The following LRCH3 variants were observed in gnomAD, a reference collection of about 807,000 sequenced individuals.
LRCH3 encodes the protein DISP complex protein LRCH3.
A neutral mutation model predicts 104.5 loss-of-function variants in LRCH3; 68 were observed. The ratio of observed to expected loss-of-function variants is 0.65; its 90% CI spans 0.54 to 0.80. LRCH3 has a LOEUF of 0.80. Among genes scored for constraint, LRCH3 ranks in the 30% least tolerant of loss-of-function variants. The pLI, the probability that LRCH3 is intolerant of heterozygous loss-of-function variation, is 0.00. For missense variants in LRCH3, 951 were observed against 953.9 expected (o/e 1.00, Z 0.04); for synonymous variants, 344 against 361.3 (o/e 0.95, Z 0.54).
In LRCH3 at chr3:197,820,439, C is replaced by G. The variant is rs369233786; in HGVS notation, c.640+9C>G. ...AGTACATTTGCCTGAAGGTAAGAAA[C>G]TATGAAATAAGAAACCATGAAATAA... On this transcript the variant is annotated intron_variant, in intron 4 of 20. Coordinates refer to ENST00000425562, the MANE Select transcript of LRCH3 (RefSeq NM_001365715.1). 242 of 1,459,370 alleles carry G rather than the reference C, an allele frequency of 1.7e-4. 1 individual carries two copies. The highest frequency in any genetic ancestry group is 2.1e-4 in the Non-Finnish European group (215 of 1,046,484). 90.4% of individuals were successfully genotyped at this position (1,459,370 alleles called of 1,614,324 possible).
chr3:197,885,087 T>TAGAC lies in LRCH3; in HGVS notation c.*1423_*1426dup, dbSNP rs1383288896. On this transcript the variant is annotated 3_prime_UTR_variant, in exon 21 of 21. Transcript: ENST00000425562. ...TACACAGGTTCCAAACCCCGTTATCTAGACATTATCAACAACAAGCCCTCT... is the reference window on the plus strand; with the variant it reads ...TACACAGGTTCCAAACCCCGTTATCTAGACAGACATTATCAACAACAAGCCCTCT... 1.3e-5 allele frequency: 2 copies of TAGAC among 152,200 alleles called. No homozygotes were observed. The highest frequency in any genetic ancestry group is 2.9e-5 in the Non-Finnish European group (2 of 68,046). 9.4% of individuals were successfully genotyped at this position (152,200 alleles called of 1,614,324 possible).
chr3:197,861,639 A>G (rs1740895842), intron 15 of LRCH3, among the ~76,000 whole-genome samples: 1 of 152,124 alleles, frequency 6.6e-6, no homozygotes, highest in Non-Finnish European at 1.5e-5. Flanking sequence ...TAGTATCTCT[A>G]TTACTTTCAC....
At position 197,875,737 on chromosome 3, in the gene LRCH3, A is replaced by G; in HGVS notation, c.2170A>G (p.Asn724Asp). The G allele has an allele frequency of 6.5e-7, 1 of 1,535,026 alleles. No individual in the cohort carries two copies. The highest frequency in any genetic ancestry group is 2.4e-5 in the East Asian group (1 of 40,918). Residue 724 changes from asparagine to aspartate, a missense_variant, in exon 20 of 21, where the codon AAT (asparagine) becomes GAT (aspartate). Asn to Asp is a conservative substitution (Grantham distance 23). Coordinates refer to ENST00000425562, the MANE Select transcript of LRCH3 (RefSeq NM_001365715.1). ...GGCGAAATGCAGGCGAAATGTGGAAAATTTCCTAGAAGCTTGCAGAAAAAT... is the reference window on the plus strand; with the variant it reads ...GGCGAAATGCAGGCGAAATGTGGAAGATTTCCTAGAAGCTTGCAGAAAAAT... ...TMAKCRRNVE[N>D]FLEACRKIGV...
intron 20 of LRCH3, among the ~76,000 whole-genome samples, chr3:197,876,769 C>G (rs965328408): frequency 6.6e-6 from 1 of 152,158 alleles, no homozygotes; most frequent in African/African-American, 2.4e-5. Context: ...TCCACCATTG[C>G]TCTCAGAGTT....
chr3:197,854,524 C>A lies in LRCH3; in HGVS notation c.1644+79C>A. The A allele has an allele frequency of 7.8e-7, 1 of 1,281,110 alleles. No homozygotes were observed. The highest frequency in any genetic ancestry group is 1.1e-6 in the Non-Finnish European group (1 of 877,426). 79.4% of individuals were successfully genotyped at this position (1,281,110 alleles called of 1,614,324 possible). ...TTTTTATTCAGAAACTATCTAAATA[C>A]CATAAAACATGATGAACATCATTAC... On this transcript the variant is annotated intron_variant, in intron 14 of 20. Transcript: ENST00000425562. This position sits in a 1 kb window ranked among gnomAD's most constrained non-coding sequence, Gnocchi z 4.5.
At chr3:197,830,222 A>C (rs1735743611) in intron 6 of LRCH3, among the ~76,000 whole-genome samples, 1 of 152,222 alleles carries the variant, frequency 6.6e-6, no homozygotes, top group Admixed American at 6.5e-5. Context: ...TTATAAGGTC[A>C]TCTGCTTGGC....
chr3:197,847,374 G>A (rs761279586), intron 10 of LRCH3, 35 bp from the exon 11 acceptor site: 3 of 1,545,002 alleles, frequency 1.9e-6, no homozygotes, highest in Non-Finnish European at 1.7e-6. Flanking sequence ...TTTTATCAAA[G>A]AGTTTTTTTC....
At chr3:197,821,463 A>G (rs1049871508) in intron 4 of LRCH3, among the ~76,000 whole-genome samples, 10 of 152,212 alleles carry the variant, frequency 6.6e-5, no homozygotes, top group African/African-American at 2.4e-4. Flanking sequence ...GTTTCTGCTC[A>G]TCACCCAGCA....
intron 18 of LRCH3, among the ~76,000 whole-genome samples, chr3:197,870,618 G>A (rs1446359260): frequency 2.6e-5 from 4 of 152,108 alleles, no homozygotes; most frequent in African/African-American, 9.7e-5. Context: ...CACTGGCCTC[G>A]ACCTCCCACA....
chr3:197,822,515 T>C (rs1339351230), intron 4 of LRCH3, among the ~76,000 whole-genome samples: 6 of 152,242 alleles, frequency 3.9e-5, no homozygotes, highest in Non-Finnish European at 7.3e-5. Flanking sequence ...TTCTGTATCT[T>C]ATTTTGATTG....
At chr3:197,832,467 AT>A in intron 8 of LRCH3, 150 bp downstream of exon 8, 1 of 717,542 alleles carries the variant, frequency 1.4e-6, no homozygotes, top group Non-Finnish European at 2.1e-6. Context: ...GAAAAATACT[AT>A]TTTCCATTGG....
Position 197,883,011 on chromosome 3 carries a change from G to A in LRCH3, c.2209-530G>A. ...TACACTGAGTTTCTTGCCCTATCTG[G>A]TCTGGAAACCCTGGTTTTCACAGTC... On this transcript the variant is annotated intron_variant, in intron 20 of 20. Transcript: ENST00000425562. This position sits in a 1 kb window ranked among gnomAD's most constrained non-coding sequence, Gnocchi z 4.2. 4.1e-6 allele frequency: 4 copies of A among 985,388 alleles called. No homozygotes were observed. In the African/African-American group the frequency reaches 7.0e-5, roughly 17 times the overall value. The allele number at this position is 985,388 out of a possible 1,614,324, so 61.0% of individuals were successfully genotyped here. A position where few individuals can be genotyped will look rare whatever the true frequency, so the allele number is the denominator to read the frequency against.
chr3:197,809,538 G>T (rs1423503752), intron 1 of LRCH3, among the ~76,000 whole-genome samples: 1 of 150,904 alleles, frequency 6.6e-6, no homozygotes, highest in East Asian at 1.9e-4. Context: ...TGACATGAGT[G>T]TTAGATTATT....
At chr3:197,796,733 G>A (rs1355982057) in intron 1 of LRCH3, among the ~76,000 whole-genome samples, 1 of 152,116 alleles carries the variant, frequency 6.6e-6, no homozygotes, top group African/African-American at 2.4e-5. Context: ...TTTGATCAAG[G>A]TCTCCCAGCT....
chr3:197,873,265 G>T (rs182589448), intron 19 of LRCH3, among the ~76,000 whole-genome samples: 1 of 152,116 alleles, frequency 6.6e-6, no homozygotes, highest in Non-Finnish European at 1.5e-5. Context: ...GCATTTTGCC[G>T]CACTTGCTTT....
chr3:197,791,877 C>G (rs562858907), intron 1 of LRCH3, among the ~76,000 whole-genome samples: 1 of 152,272 alleles, frequency 6.6e-6, no homozygotes, highest in South Asian at 2.1e-4. Context: ...ATTTGGGGTG[C>G]CGAATGGACC....
intron 8 of LRCH3, among the ~76,000 whole-genome samples, chr3:197,832,565 A>T (rs1189750517): frequency 2.0e-5 from 3 of 152,152 alleles, no homozygotes. Flanking sequence ...TTTATTAGAG[A>T]CAGTACACCT....
At chr3:197,791,595 C>G in intron 1 of LRCH3, 55 bp downstream of exon 1, 1 of 1,479,524 alleles carries the variant, frequency 6.8e-7, no homozygotes. Flanking sequence ...CGGGAGCCGC[C>G]CCGGCCGGGG....
chr3:197,865,279 C>T (rs1386457664), intron 15 of LRCH3, 144 bp from the exon 16 acceptor site: 2 of 540,568 alleles, frequency 3.7e-6, no homozygotes, highest in Non-Finnish European at 6.6e-6. Context: ...TGAGCCACTG[C>T]ACCTGACCCA....
Sources: gnomAD v4.1 joint callset for allele counts (sites outside exome capture counted in the v4.1 genomes callset) on GRCh38, gnomAD v4.1.1 for gene constraint, Gnocchi (gnomAD v3.1) non-coding constraint, MANE v1.5 for transcripts, NCBI Gene and HGNC (gene_info 2026-07-23, HGNC 2026-07-21) for gene names.